Variants in CTH observed in about 807,000 individuals in gnomAD.
CTH encodes cystathionase (cystathionine gamma-lyase).
Under a neutral mutation model 50.6 loss-of-function variants are expected in CTH, and 41 were observed. The ratio of observed to expected loss-of-function variants is 0.81; its 90% CI spans 0.63 to 1.05. CTH has a LOEUF of 1.05. CTH is among the 50% of genes least tolerant of loss of function. CTH has a pLI of 0.00. For synonymous variants in CTH, 156 were observed against 168.9 expected (o/e 0.92, Z 0.59); for missense variants, 470 against 492.6 (o/e 0.95, Z 0.43).
chr1:70,437,402 T>C (rs1684620659), intron 10 of CTH, among the ~76,000 whole-genome samples: 1 of 152,212 alleles, frequency 6.6e-6, no homozygotes, highest in Non-Finnish European at 1.5e-5. Context: ...ATATCCAATT[T>C]TTATTCATTA....
chr1:70,418,240 ATTAT>A (rs1189363653), intron 3 of CTH, among the ~76,000 whole-genome samples: 4 of 151,988 alleles, frequency 2.6e-5, no homozygotes, highest in Non-Finnish European at 5.9e-5. Flanking sequence ...TATAAGAGAG[ATTAT>A]TTATTTATTT....
intron 3 of CTH, 141 bp from the exon 4 acceptor site, chr1:70,421,425 A>C: frequency 1.2e-6 from 1 of 851,510 alleles, no homozygotes; most frequent in Non-Finnish European, 1.9e-6. Context: ...CAAACTATTT[A>C]ACCAAACTAG....
intron 5 of CTH, 119 bp from the exon 6 acceptor site, chr1:70,429,675 T>C (rs1306913579): frequency 1.4e-6 from 1 of 736,256 alleles, no homozygotes; most frequent in African/African-American, 1.8e-5. Context: ...AAGATGCACA[T>C]ACTTTTGCAA....
In CTH at chr1:70,414,954, G is replaced by A. The variant is rs566175688; in HGVS notation, c.169-1002G>A. Among the ~76,000 whole-genome samples the A allele has an allele frequency of 1.2e-4, 18 of 152,174 alleles. No homozygotes were observed. In the South Asian group the frequency reaches 3.3e-3, roughly 28 times the overall value. On this transcript the variant is annotated intron_variant, in intron 1 of 11. Coordinates refer to ENST00000370938, the MANE Select transcript of CTH (RefSeq NM_001902.6). ...CCTGCCTCAGCCTCCCGAGTAGCTG[G>A]GATTATAGGAATGCAAATTTTTAAA...
At position 70,432,224 on chromosome 1, in the gene CTH, T is replaced by G; in HGVS notation, c.866T>G (p.Val289Gly). 6.2e-7 allele frequency: 1 copy of G among 1,614,128 alleles called. No homozygotes were observed. The highest frequency in any genetic ancestry group is 8.5e-7 in the Non-Finnish European group (1 of 1,180,012). The change falls in exon 8 of 12, where the codon GTT becomes GGT. Residue 289 changes from valine (V) to glycine (G), a missense_variant. Val to Gly is a moderately radical substitution (Grantham distance 109). Coordinates refer to ENST00000370938, the MANE Select transcript of CTH (RefSeq NM_001902.6). ...FLESNPWVEK[V>G]IYPGLPSHPQ... Reference sequence around the variant, plus strand: ...GAATCTAATCCTTGGGTAGAAAAGGTTATTTATCCTGGTATGTTAATTTGA... The same window carrying G: ...GAATCTAATCCTTGGGTAGAAAAGGGTATTTATCCTGGTATGTTAATTTGA...
intron 5 of CTH, 92 bp downstream of exon 5, chr1:70,424,508 C>A: frequency 2.5e-6 from 4 of 1,576,426 alleles, no homozygotes; most frequent in Non-Finnish European, 2.6e-6. Flanking sequence ...AAATCATGAT[C>A]AAATTCATGA....
rs377418244 is a variant in CTH at position 70,420,115 on chromosome 1, C to A, written c.347-1451C>A. Among the ~76,000 whole-genome samples, 14 of 152,002 alleles carry A rather than the reference C, an allele frequency of 9.2e-5. No homozygotes were observed. In the East Asian group the frequency reaches 1.5e-3, roughly 17 times the overall value. ...TCAAGCGATTCTCCTGTCTCAGCCT[C>A]CCGAGTAGCTGGGATTACAGGCATG... On this transcript the variant is annotated intron_variant, in intron 3 of 11. Coordinates refer to ENST00000370938, the MANE Select transcript of CTH (RefSeq NM_001902.6).
chr1:70,421,195 T>G (rs975955014), intron 3 of CTH, among the ~76,000 whole-genome samples: 1 of 152,224 alleles, frequency 6.6e-6, no homozygotes, highest in Admixed American at 6.5e-5. Context: ...AAATTTATTT[T>G]GAACCTTTCA....
chr1:70,431,323 T>G (rs931150771), intron 7 of CTH: 1 of 150,786 alleles, frequency 6.6e-6, no homozygotes, highest in African/African-American at 2.4e-5. Context: ...GACTTAATGG[T>G]TTTTTTTTCT....
chr1:70,434,586 TA>T (rs1684552419), intron 9 of CTH, among the ~76,000 whole-genome samples: 1 of 151,726 alleles, frequency 6.6e-6, no homozygotes, highest in African/African-American at 2.4e-5. Flanking sequence ...ACACTCAACA[TA>T]AAAACAGTGG....
chr1:70,433,306 T>C (rs1372466608), intron 8 of CTH, among the ~76,000 whole-genome samples: 3 of 152,132 alleles, frequency 2.0e-5, no homozygotes, highest in Non-Finnish European at 4.4e-5. Context: ...TTGATATATA[T>C]TTTGGATGGA....
intron 1 of CTH, 82 bp from the exon 2 acceptor site, chr1:70,415,874 G>A: frequency 1.3e-6 from 1 of 795,128 alleles, no homozygotes; most frequent in Non-Finnish European, 2.3e-6. Context: ...AATTATGGTA[G>A]GGTGAAACTA....
At chr1:70,433,374 G>T (rs1684522410) in intron 8 of CTH, among the ~76,000 whole-genome samples, 1 of 152,154 alleles carries the variant, frequency 6.6e-6, no homozygotes, top group South Asian at 2.1e-4. Context: ...GGTTAAAAGG[G>T]CATAGACAAG....
chr1:70,427,967 C>T (rs1392734007), intron 5 of CTH, among the ~76,000 whole-genome samples: 1 of 152,192 alleles, frequency 6.6e-6, no homozygotes, highest in Non-Finnish European at 1.5e-5. Context: ...CCTGCCTAGG[C>T]CTCCCAAAGT....
intron 5 of CTH, among the ~76,000 whole-genome samples, chr1:70,428,520 C>G (rs774967708): frequency 3.3e-5 from 5 of 152,124 alleles, no homozygotes; most frequent in Non-Finnish European, 7.3e-5. Flanking sequence ...GATTAATTTA[C>G]AGGAAAATTG....
chr1:70,419,970 C>G (rs897554735), intron 3 of CTH, among the ~76,000 whole-genome samples: 8 of 150,276 alleles, frequency 5.3e-5, no homozygotes, highest in Non-Finnish European at 1.5e-5. Context: ...AGTTCCCAAC[C>G]TTTTTGGCAC....
At chr1:70,414,128 C>CTT (rs577575641) in intron 1 of CTH, among the ~76,000 whole-genome samples, 3 of 145,998 alleles carry the variant, frequency 2.1e-5, no homozygotes, top group Admixed American at 6.9e-5. Context: ...TGAATCCAAA[C>CTT]TTTTTTTTTT....
At chr1:70,435,328 T>C in intron 10 of CTH, 151 bp downstream of exon 10, 1 of 766,716 alleles carries the variant, frequency 1.3e-6, no homozygotes. Context: ...CCTGTCAAGA[T>C]GGAGACCCTG....
rs561858398 is a variant in CTH, at chr1:70,419,645, A to G, written c.346+1613A>G. Among the ~76,000 whole-genome samples the G allele has an allele frequency of 2.9e-3, 443 of 152,344 alleles. 3 individuals are homozygous for G. The highest frequency in any genetic ancestry group is 0.017 in the Middle Eastern group (5 of 294). On this transcript the variant is annotated intron_variant, in intron 3 of 11. Transcript: ENST00000370938. ...TAGCACACCAACATGGCACATGTAT[A>G]CATATGTAACAAACCTGCATGTTGT...
Sources: gnomAD v4.1 joint callset for allele counts (sites outside exome capture counted in the v4.1 genomes callset) on GRCh38, gnomAD v4.1.1 for gene constraint, MANE v1.5 for transcripts, NCBI Gene and HGNC (gene_info 2026-07-23, HGNC 2026-07-21) for gene names.